Variants in IKZF4 observed in about 807,000 individuals in gnomAD.
IKZF4 encodes the protein zinc finger protein Eos.
A neutral mutation model predicts 47.7 loss-of-function variants in IKZF4; 11 were observed. The ratio of observed to expected loss-of-function variants is 0.23; its 90% CI spans 0.15 to 0.38. The LOEUF is 0.38. IKZF4 is among the 10% of genes least tolerant of loss of function. The pLI, the probability that IKZF4 is intolerant of heterozygous loss-of-function variation, is 1.00. For synonymous variants in IKZF4, 298 were observed against 299.4 expected (o/e 1.00, Z 0.05); for missense variants, 557 against 784.9 (o/e 0.71, Z 3.47).
intron 7 of IKZF4, among the ~76,000 whole-genome samples, chr12:56,034,268 A>T (rs1431434596): frequency 6.6e-6 from 1 of 152,146 alleles, no homozygotes; most frequent in Non-Finnish European, 1.5e-5. Context: ...AGTCAGAGAG[A>T]GGAAATAAGT....
At chr12:56,007,633 C>G (rs940732434), upstream of IKZF4, 2 of 153,370 alleles carry the variant, frequency 1.3e-5, no homozygotes, top group African/African-American at 4.8e-5. Flanking sequence ...CTGGGCCGCC[C>G]GGGCCAGAGT....
At chr12:56,023,095 G>A (rs1008375646) in intron 1 of IKZF4, among the ~76,000 whole-genome samples, 3 of 152,110 alleles carry the variant, frequency 2.0e-5, no homozygotes, top group African/African-American at 7.2e-5. Flanking sequence ...CACCGCGCCC[G>A]GCCGCCCTCA....
chr12:56,032,669 A>G lies in IKZF4; in HGVS notation c.824A>G (p.Gln275Arg), dbSNP rs1280110648. 17 of 1,614,050 alleles carry G rather than the reference A, an allele frequency of 1.1e-5. No individual in the cohort carries two copies. The highest frequency in any genetic ancestry group is 3.3e-5 in the South Asian group (3 of 91,090). ...AAGGAGCGGTGCCATAACTACCTAC[A>G]GAGTCTCAGCACTGAAGCCCAAGCT... ...EHKERCHNYL[Q>R]SLSTEAQALA... Residue 275 changes from glutamine (Q) to arginine (R), a missense_variant, in exon 6 of 8, where the codon CAG (glutamine) becomes CGG (arginine). Physicochemically the swap from Gln to Arg is conservative, Grantham distance 43. Transcript: ENST00000547167.
At chr12:56,008,671 AT>A (rs11456606) in intron 1 of IKZF4, among the ~76,000 whole-genome samples, 54 of 124,574 alleles carry the variant, frequency 4.3e-4, no homozygotes, top group African/African-American at 9.0e-4. Flanking sequence ...CTTCCAGGAA[AT>A]TTTTTTTTTT....
intron 2 of IKZF4, 146 bp downstream of exon 2, chr12:56,023,910 G>T: frequency 6.8e-7 from 1 of 1,474,986 alleles, no homozygotes; most frequent in Non-Finnish European, 8.9e-7. Flanking sequence ...ACACATCCAT[G>T]CATGTTCATG....
At position 56,026,946 on chromosome 12, in the gene IKZF4, G is replaced by T; in HGVS notation, c.452G>T (p.Gly151Val). The change falls in exon 4 of 8, where the codon GGC becomes GTC. Residue 151 changes from glycine (G) to valine (V), a missense_variant. By Grantham distance (109) the Gly-to-Val change is moderately radical. Around this residue, in one of 6 missense-constraint regions of IKZF4, gnomAD observed 112 missense variants for 168.2 expected, o/e 0.67. Coordinates refer to ENST00000547167, the MANE Select transcript of IKZF4 (RefSeq NM_022465.4). Reference protein sequence around the residue: ...GSGPEPHSPGGIRLPNGKLKC... With the variant: ...GSGPEPHSPGVIRLPNGKLKC... ...GGGCCAGAGCCTCACTCCCCTGGGG[G>T]CATCCGGCTGCCCAATGGCAAGCTC... is the stretch of plus-strand genomic sequence containing the variant. The T allele has an allele frequency of 9.3e-6, 15 of 1,611,778 alleles. No homozygotes were observed. Among genetic ancestry groups the T allele is most frequent in the Non-Finnish European group, 1.3e-5 (15 of 1,178,874 alleles).
intron 2 of IKZF4, among the ~76,000 whole-genome samples, chr12:56,015,028 T>C (rs2136565487): frequency 6.6e-6 from 1 of 152,262 alleles, no homozygotes; most frequent in Admixed American, 6.5e-5. Flanking sequence ...CTCTTGCCTC[T>C]CCTGCATGGG....
Position 56,023,714 on chromosome 12 carries a change from C to T in IKZF4, c.131C>T (p.Pro44Leu). The T allele has an allele frequency of 3.1e-6, 5 of 1,613,954 alleles. No individual in the cohort carries two copies. Among genetic ancestry groups the T allele is most frequent in the Non-Finnish European group, 4.2e-6 (5 of 1,179,860 alleles). The change falls in exon 2 of 8, where the codon CCT (proline) becomes CTT (leucine). Residue 44 changes from proline to leucine, a missense_variant. Physicochemically the swap from Pro to Leu is moderately conservative, Grantham distance 98. Coordinates refer to ENST00000547167, the MANE Select transcript of IKZF4 (RefSeq NM_022465.4). ...GGAGGGTGTGTTCCGGATTTCTTGC[C>T]TCAGGCCCAAGACTCCAACCATTTT... is the stretch of plus-strand genomic sequence containing the variant. ...PSGGCVPDFL[P>L]QAQDSNHFIM... is the part of the protein sequence containing the mutation.
intron 1 of IKZF4, among the ~76,000 whole-genome samples, chr12:56,007,949 A>T (rs1393267976): frequency 6.6e-6 from 1 of 151,486 alleles, no homozygotes; most frequent in African/African-American, 2.4e-5. Context: ...GCGAGGTAGC[A>T]GGGACTCGGG....
rs1455811844 is a variant in IKZF4 at position 56,025,809 on chromosome 12, C to T, written c.286+651C>T. Among the ~76,000 whole-genome samples, 6 of 152,164 alleles carry T rather than the reference C, an allele frequency of 3.9e-5. No individual in the cohort carries two copies. In the South Asian group the frequency reaches 1.0e-3, roughly 26 times the overall value. The stretch of plus-strand genomic sequence containing the variant: ...CAGTCTTCCTAGATCTGTTTTCCCG[C>T]CACTGTTAACTTGCTGGCTTCCTGC... On this transcript the variant is annotated intron_variant, in intron 3 of 7. Coordinates refer to ENST00000547167, the MANE Select transcript of IKZF4 (RefSeq NM_022465.4).
chr12:56,021,688 C>CCGTG, intron 1 of IKZF4, 108 bp downstream of exon 1: 3 of 657,814 alleles, frequency 4.6e-6, no homozygotes, highest in Non-Finnish European at 7.3e-6. Context: ...AGGATGGGGG[C>CCGTG]TGTGTGTGTG....
intron 3 of IKZF4, among the ~76,000 whole-genome samples, chr12:56,026,548 G>A (rs1206186084): frequency 3.3e-5 from 5 of 151,922 alleles, no homozygotes; most frequent in Non-Finnish European, 7.4e-5. Flanking sequence ...AATTAGCTGG[G>A]TGTGATGGTA....
Position 56,034,606 on chromosome 12 carries a change from C to T in IKZF4, c.1033C>T (p.Pro345Ser), listed in dbSNP as rs1895441301. Residue 345 changes from proline (P) to serine (S), a missense_variant, in exon 8 of 8, where the codon CCC (proline) becomes TCC (serine). Pro to Ser is a moderately conservative substitution (Grantham distance 74). Coordinates refer to ENST00000547167, the MANE Select transcript of IKZF4 (RefSeq NM_022465.4). ...GATGCGCTTCAGCCTCTCAGACCTC[C>T]CCTATGATGTGAACTCGGGTGGCTA... The part of the protein sequence containing the change: ...KQMRFSLSDL[P>S]YDVNSGGYEK... The T allele has an allele frequency of 6.2e-7, 1 of 1,613,592 alleles. No individual in the cohort carries two copies. The highest frequency in any genetic ancestry group is 1.3e-5 in the African/African-American group (1 of 74,928).
At chr12:56,024,975 AT>A (rs1414094591) in intron 2 of IKZF4, 78 bp from the exon 3 acceptor site, 1 of 1,547,950 alleles carries the variant, frequency 6.5e-7, no homozygotes. Context: ...ATTTAACTGA[AT>A]TTTTTTAAAA....
chr12:56,024,508 A>T (rs982721733), intron 2 of IKZF4, among the ~76,000 whole-genome samples: 1 of 152,240 alleles, frequency 6.6e-6, no homozygotes, highest in African/African-American at 2.4e-5. Flanking sequence ...CCTACTTCAT[A>T]TAGTTGTTGT....
intron 2 of IKZF4, among the ~76,000 whole-genome samples, chr12:56,015,560 A>AT (rs1356788607): frequency 2.0e-5 from 3 of 149,672 alleles, no homozygotes; most frequent in South Asian, 2.1e-4. Context: ...CACCCAGCTA[A>AT]TTTTTTTGTA....
chr12:56,025,489 C>A (rs1371946092), intron 3 of IKZF4, among the ~76,000 whole-genome samples: 2 of 152,108 alleles, frequency 1.3e-5, no homozygotes, highest in Non-Finnish European at 2.9e-5. Flanking sequence ...AGTAGAAGGA[C>A]CTCCCCATCT....
At chr12:56,026,691 A>AAG in intron 3 of IKZF4, 90 bp from the exon 4 acceptor site, 2 of 476,840 alleles carry the variant, frequency 4.2e-6, no homozygotes. Context: ...TTCCATCTCA[A>AAG]AAAAAAAAAA....
chr12:56,030,303 A>G (rs1894716496), intron 5 of IKZF4, among the ~76,000 whole-genome samples: 1 of 151,950 alleles, frequency 6.6e-6, no homozygotes, highest in African/African-American at 2.4e-5. Context: ...GGTGGCACAC[A>G]CCTGTAGTCC....
Sources: gnomAD v4.1 joint callset for allele counts (sites outside exome capture counted in the v4.1 genomes callset) on GRCh38, gnomAD v4.1.1 for gene constraint, gnomAD v4.1.1 regional missense constraint, MANE v1.5 for transcripts, NCBI Gene and HGNC (gene_info 2026-07-23, HGNC 2026-07-21) for gene names.